Variants in FMO5 observed in about 807,000 individuals in gnomAD.
FMO5 encodes the protein flavin-containing monooxygenase 5.
FMO5 carries 51 observed loss-of-function variants against 43.6 expected under a neutral mutation model. The ratio of observed to expected loss-of-function variants is 1.17; its 90% confidence interval spans 0.93 to 1.48. The LOEUF is 1.48. FMO5 is among the 40% of genes most tolerant of loss of function. The pLI is 0.00. For missense variants in FMO5, 644 were observed against 643.0 expected (o/e 1.00, Z -0.02); for synonymous variants, 187 against 216.5 (o/e 0.86, Z 1.20).
rs781797303 is a variant in FMO5 at position 147,212,450 on chromosome 1, A to C, written c.573T>G (p.Ile191Met). 2 of 1,614,030 alleles carry C rather than the reference A, an allele frequency of 1.2e-6. No individual in the cohort carries two copies. The highest frequency in any genetic ancestry group is 1.7e-6 in the Non-Finnish European group (2 of 1,179,904). The change falls in exon 5 of 9, where the codon ATT becomes ATG. Residue 191 changes from isoleucine to methionine, a missense_variant. Coordinates refer to ENST00000254090, the MANE Select transcript of FMO5 (RefSeq NM_001461.4). ...GATCCCCTCCAGAATTCCCAATGCC[A>C]ATTATAATGACTCTCTTTCCAGTGA... The part of the protein sequence containing the change: ...EGFTGKRVII[I>M]GIGNSGGDLA...
At chr1:147,203,028 T>C (rs1361862619) in intron 6 of FMO5, among the ~76,000 whole-genome samples, 1 of 152,176 alleles carries the variant, frequency 6.6e-6, no homozygotes, top group Admixed American at 6.5e-5. Flanking sequence ...AATGTAGGTA[T>C]GATTATGTTA....
intron 6 of FMO5, among the ~76,000 whole-genome samples, chr1:147,206,784 G>A (rs587673521): frequency 6.6e-6 from 1 of 152,082 alleles, no homozygotes; most frequent in South Asian, 2.1e-4. Context: ...GAGTGGGGAA[G>A]CATAGCATTA....
At position 147,213,329 on chromosome 1, in the gene FMO5, G is replaced by C. The variant is rs781910099; in HGVS notation, c.466C>G (p.Leu156Val). Residue 156 changes from leucine (L) to valine (V), a missense_variant, in exon 4 of 9, where the codon CTA becomes GTA. By Grantham distance (32) the Leu-to-Val change is conservative. Coordinates refer to ENST00000254090, the MANE Select transcript of FMO5 (RefSeq NM_001461.4). ...VCTGHHTNAH[L>V]PLESFPGIEK... ...TCACCAGGGAAGCTTTCCAGAGGTA[G>C]ATGAGCATTGGTGTGATGGCCAGTG... 4 of 1,611,116 alleles carry C rather than the reference G, an allele frequency of 2.5e-6. No homozygotes were observed. Among genetic ancestry groups the C allele is most frequent in the Non-Finnish European group, 1.7e-6 (2 of 1,178,502 alleles).
At chr1:147,217,545 C>A (rs587676128) in intron 2 of FMO5, among the ~76,000 whole-genome samples, 2 of 152,160 alleles carry the variant, frequency 1.3e-5, no homozygotes, top group Non-Finnish European at 1.5e-5. Context: ...CTTTGTCCAC[C>A]TTTAGGATTG....
intron 2 of FMO5, among the ~76,000 whole-genome samples, chr1:147,220,907 TCTTA>T (rs1195630537): frequency 1.3e-5 from 2 of 150,298 alleles, no homozygotes; most frequent in African/African-American, 4.9e-5. Context: ...AATGCTAATT[TCTTA>T]CTTATAATAA....
Position 147,203,709 on chromosome 1 carries a change from C to G in FMO5, c.831-2205G>C. The G allele has an allele frequency of 5.9e-6, 9 of 1,515,674 alleles. No homozygotes were observed. The South Asian group carries it at 1.0e-4, about 17-fold the overall frequency. 93.9% of individuals were successfully genotyped at this position (1,515,674 alleles called of 1,614,324 possible). On this transcript the variant is annotated intron_variant, in intron 6 of 8. Transcript: ENST00000254090. ...ATTTCTGTTGCTCCACCTCTGGGTA[C>G]AAGACGTTTATCCCTTGTAAGAACT...
At chr1:147,214,413 T>C (rs1466952278) in intron 3 of FMO5, among the ~76,000 whole-genome samples, 3 of 150,818 alleles carry the variant, frequency 2.0e-5, no homozygotes, top group African/African-American at 7.3e-5. Flanking sequence ...ATCGTGTCAC[T>C]GTACTCCAGC....
intron 7 of FMO5, among the ~76,000 whole-genome samples, chr1:147,194,681 G>A (rs1168497139): frequency 3.3e-5 from 5 of 151,946 alleles, no homozygotes; most frequent in Non-Finnish European, 7.4e-5. Flanking sequence ...CTTCCTTCAG[G>A]AGCTCTTTTA....
At chr1:147,203,132 TAACAATATG>T in intron 6 of FMO5, 8 of 439,384 alleles carry the variant, frequency 1.8e-5, no homozygotes, top group South Asian at 4.0e-5. Context: ...TTTTTGACAG[TAACAATATG>T]TTTATTATAA....
Position 147,208,880 on chromosome 1 carries a change from C to G in FMO5, c.802G>C (p.Glu268Gln). The G allele has an allele frequency of 6.2e-7, 1 of 1,614,102 alleles. No homozygotes were observed. Among genetic ancestry groups the G allele is most frequent in the South Asian group, 1.1e-5 (1 of 91,072 alleles). Residue 268 changes from glutamate (E) to glutamine (Q), a missense_variant, in exon 6 of 9, where the codon GAA becomes CAA. Physicochemically the swap from Glu to Gln is conservative, Grantham distance 29. Transcript: ENST00000254090. ...EKKINQRFDH[E>Q]MFGLKPKHRA... ...TGTTTAGGCTTCAGGCCAAACATTT[C>G]ATGGTCAAACCTTTGGTTTATCTTT...
intron 6 of FMO5, chr1:147,208,450 T>TTTC (rs1660492910): frequency 6.7e-6 from 1 of 149,846 alleles, no homozygotes; most frequent in Admixed American, 6.6e-5. Context: ...TTTTCTTTTT[T>TTTC]TTTTTTTCTT....
chr1:147,191,868 A>G (rs1439922108), intron 7 of FMO5, among the ~76,000 whole-genome samples: 6 of 152,074 alleles, frequency 3.9e-5, no homozygotes, highest in African/African-American at 1.5e-4. Flanking sequence ...CCATTGATCT[A>G]TATCTCCCTT....
chr1:147,189,607 G>A (rs1047280114), intron 8 of FMO5, among the ~76,000 whole-genome samples: 1 of 152,108 alleles, frequency 6.6e-6, no homozygotes, highest in Non-Finnish European at 1.5e-5. Context: ...CAGCGATTGA[G>A]CTTAAGTTCT....
intron 2 of FMO5, among the ~76,000 whole-genome samples, chr1:147,219,521 A>G (rs1316086621): frequency 6.6e-6 from 1 of 152,154 alleles, no homozygotes; most frequent in Admixed American, 6.5e-5. Context: ...CCTATAACCA[A>G]CATCATACTT....
intron 6 of FMO5, chr1:147,203,862 T>C (rs1022418187): frequency 2.5e-6 from 4 of 1,581,292 alleles, no homozygotes; most frequent in Non-Finnish European, 3.5e-6. Flanking sequence ...ACCACCTGAG[T>C]ATCTCCAACT....
chr1:147,204,833 G>C (rs1278399627), intron 6 of FMO5: 3 of 1,602,912 alleles, frequency 1.9e-6, no homozygotes, highest in Non-Finnish European at 2.6e-6. Context: ...TTGCAAGCTT[G>C]TATGTTTCTA....
chr1:147,214,847 A>G (rs1438905144), intron 3 of FMO5: 3 of 152,012 alleles, frequency 2.0e-5, no homozygotes, highest in African/African-American at 7.2e-5. Flanking sequence ...TTGTCTTTGC[A>G]TATTCAATGC....
intron 8 of FMO5, 111 bp downstream of exon 8, chr1:147,190,066 T>C (rs1395883950): frequency 1.5e-6 from 1 of 680,120 alleles, no homozygotes; most frequent in African/African-American, 1.8e-5. Flanking sequence ...TTCTTCATAA[T>C]AGAATCTAAA....
chr1:147,221,913 A>C (rs1663079470), intron 2 of FMO5, among the ~76,000 whole-genome samples: 1 of 152,270 alleles, frequency 6.6e-6, no homozygotes, highest in South Asian at 2.1e-4. Context: ...AAGAGTGAGC[A>C]CAGAGCAGTA....
Sources: allele counts gnomAD v4.1 joint callset (sites outside exome capture counted in the v4.1 genomes callset), GRCh38; gene constraint gnomAD v4.1.1; transcripts MANE v1.5; gene names NCBI Gene and HGNC (gene_info 2026-07-23, HGNC 2026-07-21).